The following SLCO4A1 variants were observed in gnomAD, a reference collection of about 807,000 sequenced individuals.
The protein encoded by SLCO4A1 is solute carrier organic anion transporter family member 4A1, also known as colon organic anion transporter.
A neutral mutation model predicts 64.6 loss-of-function variants in SLCO4A1; 51 were observed. The ratio of observed to expected loss-of-function variants is 0.79; its 90% confidence interval spans 0.63 to 1.00. The LOEUF is 1.00. Among genes scored for constraint, SLCO4A1 ranks in the 50% least tolerant of loss-of-function variants. The probability of loss-of-function intolerance (pLI) is 0.00; values close to 1 mark genes in which losing one functional copy is unlikely to be tolerated. For missense variants in SLCO4A1, 919 were observed against 980.5 expected, an observed-to-expected ratio of 0.94 and a Z score of 0.84; for synonymous variants, 471 against 444.9, an observed-to-expected ratio of 1.06 and a Z score of -0.74.
Position 62,644,801 on chromosome 20 carries a change from G to A in SLCO4A1, c.-97+2248G>A, listed in dbSNP as rs117682392. 0.023 allele frequency among the ~76,000 whole-genome samples: 3,463 copies of A among 152,298 alleles called. 64 individuals carry two copies. The highest frequency in any genetic ancestry group is 0.03 in the Non-Finnish European group (2,044 of 68,028). ...TGGACTCGTCCACTGGAACGTGTTG[G>A]GTCCTGGTGCTCTCCCCAGCAGATG... is the stretch of plus-strand genomic sequence containing the variant. On this transcript the variant is annotated intron_variant, in intron 1 of 11. Coordinates refer to ENST00000217159, the MANE Select transcript of SLCO4A1 (RefSeq NM_016354.4). The surrounding 1 kb of genome is among the most constrained non-coding windows in gnomAD (Gnocchi z 5.4).
intron 2 of SLCO4A1, among the ~76,000 whole-genome samples, chr20:62,680,878 T>C (rs1213996662): frequency 6.6e-6 from 1 of 152,204 alleles, no homozygotes; most frequent in Non-Finnish European, 1.5e-5. Context: ...TAATGCTGGC[T>C]TCATAAAATA....
intron 5 of SLCO4A1, among the ~76,000 whole-genome samples, chr20:62,662,002 G>C (rs539872192): frequency 2.0e-5 from 3 of 152,142 alleles, no homozygotes; most frequent in Admixed American, 1.3e-4. Context: ...CCAGCACGGG[G>C]AGACTCTTGT....
At chr20:62,678,369 C>T (rs1027985417) in intron 2 of SLCO4A1, among the ~76,000 whole-genome samples, 1 of 152,104 alleles carries the variant, frequency 6.6e-6, no homozygotes, top group Non-Finnish European at 1.5e-5. Context: ...TCACCCGTCG[C>T]CGGTAGACGT....
intron 5 of SLCO4A1, among the ~76,000 whole-genome samples, chr20:62,662,135 C>T (rs2147088500): frequency 6.6e-6 from 1 of 152,314 alleles, no homozygotes; most frequent in East Asian, 1.9e-4. Flanking sequence ...GGAGGGAAGG[C>T]ATCAGGGCCA....
chr20:62,644,925 C>T lies in SLCO4A1; in HGVS notation c.-97+2372C>T, dbSNP rs1462232095. ...CCCTTGGAGCTCTGGGAGAGAGCCA[C>T]GCCAGGCCAGCCCTCCTGCTTCCTC... On this transcript the variant is annotated intron_variant, in intron 1 of 11. Transcript: ENST00000217159. This position sits in a 1 kb window ranked among gnomAD's most constrained non-coding sequence, Gnocchi z 5.4. 6.6e-5 allele frequency among the ~76,000 whole-genome samples: 10 copies of T among 152,250 alleles called. No individual in the cohort carries two copies. In the East Asian group the frequency reaches 7.7e-4, roughly 12 times the overall value.
chr20:62,687,456 G>A (rs1231668345), downstream of SLCO4A1, among the ~76,000 whole-genome samples: 4 of 152,262 alleles, frequency 2.6e-5, no homozygotes, highest in Non-Finnish European at 5.9e-5. Flanking sequence ...CAGGGCAGGT[G>A]CGTCATCCGG....
intron 8 of SLCO4A1, 39 bp from the exon 9 acceptor site, chr20:62,667,973 C>A (rs1986673707): frequency 6.2e-7 from 1 of 1,613,858 alleles, no homozygotes; most frequent in Non-Finnish European, 8.5e-7. Flanking sequence ...GGCCCCCGTG[C>A]CTTCCCCTTG....
In SLCO4A1 at chr20:62,671,954, G is replaced by A; in HGVS notation, c.*61G>A. On this transcript the variant is annotated 3_prime_UTR_variant, in exon 12 of 12. Transcript: ENST00000217159. ...CAGCATTTCCTGATGACAGAACAGT[G>A]CCGTTGGGTGATGCAATCACACGGG... 1 of 1,601,058 alleles carries A rather than the reference G, an allele frequency of 6.2e-7. No individual in the cohort carries two copies. The highest frequency in any genetic ancestry group is 1.1e-5 in the South Asian group (1 of 91,072).
At chr20:62,655,105 G>C (rs1475495911) in intron 1 of SLCO4A1, among the ~76,000 whole-genome samples, 2 of 152,262 alleles carry the variant, frequency 1.3e-5, no homozygotes, top group Non-Finnish European at 2.9e-5. Context: ...AAGGCTCCAA[G>C]ACAGCTTCTT....
At chr20:62,666,639 G>C in intron 7 of SLCO4A1, 64 bp downstream of exon 7, 5 of 1,395,608 alleles carry the variant, frequency 3.6e-6, no homozygotes, top group Non-Finnish European at 5.0e-6. Context: ...CCTGGGCATG[G>C]AGGAGGAGTG....
intron 1 of SLCO4A1, chr20:62,652,278 G>GTAGT (rs1982690449): frequency 6.6e-6 from 1 of 152,134 alleles, no homozygotes; most frequent in Non-Finnish European, 1.5e-5. Flanking sequence ...AGTCCTCAGG[G>GTAGT]TAGTTCTTGG....
chr20:62,654,588 A>G (rs1175085045), intron 1 of SLCO4A1, among the ~76,000 whole-genome samples: 2 of 152,268 alleles, frequency 1.3e-5, no homozygotes, highest in African/African-American at 4.8e-5. Context: ...CGGACTCTGC[A>G]GAGCCCTGAG....
At position 62,644,373 on chromosome 20, in the gene SLCO4A1, T is replaced by C. The variant is rs1980948745; in HGVS notation, c.-97+1820T>C. On this transcript the variant is annotated intron_variant, in intron 1 of 11. Transcript: ENST00000217159. This position sits in a 1 kb window ranked among gnomAD's most constrained non-coding sequence, Gnocchi z 5.4. ...AGGGAGCTTCCCTCCCGAGTGGCCG[T>C]GACCTAATCTGTAGCTCACTGGGTG... Among the ~76,000 whole-genome samples the C allele has an allele frequency of 6.6e-6, 1 of 152,234 alleles. No individual in the cohort carries two copies. Among genetic ancestry groups the C allele is most frequent in the African/African-American group, 2.4e-5 (1 of 41,468 alleles).
intron 5 of SLCO4A1, chr20:62,663,493 G>T (rs1278868822): frequency 6.6e-6 from 1 of 152,270 alleles, no homozygotes; most frequent in East Asian, 1.9e-4. Flanking sequence ...CGACACTGCG[G>T]TGTGAGCAGA....
intron 11 of SLCO4A1, among the ~76,000 whole-genome samples, chr20:62,671,211 C>T (rs140278362): frequency 1.2e-4 from 18 of 152,344 alleles, no homozygotes; most frequent in Non-Finnish European, 1.9e-4. Context: ...GTGGCCGCCA[C>T]GACAAAGGAC....
downstream of SLCO4A1, chr20:62,685,863 C>T (rs1042728947): frequency 1.3e-5 from 2 of 152,276 alleles, no homozygotes; most frequent in African/African-American, 2.4e-5. The surrounding 1 kb of genome is among the most constrained non-coding windows in gnomAD (Gnocchi z 4.6). Flanking sequence ...GCCCTCCGTC[C>T]TCCTCCAAGC....
intron 1 of SLCO4A1, among the ~76,000 whole-genome samples, chr20:62,654,533 C>T (rs1000187702): frequency 2.0e-5 from 3 of 152,214 alleles, no homozygotes; most frequent in African/African-American, 2.4e-5. Flanking sequence ...TGCGCGTCGC[C>T]GGCTGTGGCT....
Position 62,661,714 on chromosome 20 carries a change from C to T in SLCO4A1, c.1121+539C>T, listed in dbSNP as rs1045916464. Among the ~76,000 whole-genome samples the T allele has an allele frequency of 6.6e-6, 1 of 151,888 alleles. No individual in the cohort carries two copies. Among genetic ancestry groups the T allele is most frequent in the African/African-American group, 2.4e-5 (1 of 41,336 alleles). ...CTGAGGACCTCCCCCCTCTACCCGG[C>T]GTGTCCCGCTCACCCTCTGGGGAGG... On this transcript the variant is annotated intron_variant, in intron 5 of 11. Transcript: ENST00000217159. This position sits in a 1 kb window ranked among gnomAD's most constrained non-coding sequence, Gnocchi z 5.2.
Position 62,645,374 on chromosome 20 carries a change from CA to C in SLCO4A1, c.-97+2824del, listed in dbSNP as rs1266030533. Among the ~76,000 whole-genome samples the C allele has an allele frequency of 1.3e-5, 2 of 151,878 alleles. No individual in the cohort carries two copies. Among genetic ancestry groups the C allele is most frequent in the Non-Finnish European group, 2.9e-5 (2 of 67,942 alleles). On this transcript the variant is annotated intron_variant, in intron 1 of 11. Coordinates refer to ENST00000217159, the MANE Select transcript of SLCO4A1 (RefSeq NM_016354.4). This position sits in a 1 kb window ranked among gnomAD's most constrained non-coding sequence, Gnocchi z 4.2. The stretch of plus-strand genomic sequence containing the variant: ...CTGCAGAGGAAGCAGACTGGGACTA[CA>C]AAGAACAACCTGGTCCTGGGGACCC...
Sources: gnomAD v4.1 joint callset for allele counts (sites outside exome capture counted in the v4.1 genomes callset) on GRCh38, gnomAD v4.1.1 for gene constraint, Gnocchi (gnomAD v3.1) non-coding constraint, MANE v1.5 for transcripts, NCBI Gene and HGNC (gene_info 2026-07-23, HGNC 2026-07-21) for gene names.